Variants in SYNE1 observed in about 807,000 individuals in gnomAD.
The protein encoded by SYNE1 is nesprin-1.
In SYNE1, 616 loss-of-function variants were observed where a neutral mutation model predicts 1,111.0. That is an observed-to-expected ratio of 0.55 (90% CI 0.52 to 0.59). SYNE1 has a LOEUF of 0.59. Among genes scored for constraint, SYNE1 ranks in the 20% least tolerant of loss-of-function variants. The pLI, the probability that SYNE1 is intolerant of heterozygous loss-of-function variation, is 0.00. For synonymous variants in SYNE1, 3,855 were observed against 3,825.8 expected (o/e 1.01, Z -0.28); for missense variants, 10,006 against 10,417.0 (o/e 0.96, Z 1.72).
intron 5 of SYNE1, among the ~76,000 whole-genome samples, chr6:152,524,352 A>G (rs2099153843): frequency 6.6e-6 from 1 of 152,160 alleles, no homozygotes; most frequent in Admixed American, 6.6e-5. Context: ...TATCACATTT[A>G]TTGACTTGCA....
intron 137 of SYNE1, chr6:152,144,434 C>T (rs1399763056): frequency 6.4e-6 from 1 of 155,512 alleles, no homozygotes; most frequent in African/African-American, 2.4e-5. Context: ...AGAATTCTGG[C>T]TCATTCTCCT....
In SYNE1 at chr6:152,369,534, G is replaced by A. The variant is rs1461974738; in HGVS notation, c.9588C>T (p.Val3196=). The change falls in exon 60 of 146, where the codon GTC becomes GTT. Residue 3196 remains valine, a synonymous_variant. Coordinates refer to ENST00000367255, the MANE Select transcript of SYNE1 (RefSeq NM_182961.4). ...CATAGAGGCGATTGCTGCTTTCATG[G>A]ACCATCTTCTCAGTTTTACTCAGCC... ...QDWLSKTEKM[V]HESSNRLYDL... 6.2e-7 allele frequency: 1 copy of A among 1,614,018 alleles called. No individual in the cohort carries two copies. The highest frequency in any genetic ancestry group is 1.3e-5 in the African/African-American group (1 of 74,918).
chr6:152,548,387 C>T (rs546212822), intron 3 of SYNE1, among the ~76,000 whole-genome samples: 2 of 152,188 alleles, frequency 1.3e-5, no homozygotes, highest in Non-Finnish European at 2.9e-5. Flanking sequence ...CCACGTGTGG[C>T]TCACTGGATT....
intron 66 of SYNE1, among the ~76,000 whole-genome samples, chr6:152,358,059 C>T (rs1379779151): frequency 1.3e-5 from 2 of 152,204 alleles, no homozygotes; most frequent in African/African-American, 2.4e-5. Context: ...GATGTGATCC[C>T]TTAGGGAGAA....
intron 12 of SYNE1, 93 bp from the exon 13 acceptor site, chr6:152,485,065 T>G: frequency 1.5e-6 from 2 of 1,330,872 alleles, no homozygotes; most frequent in Non-Finnish European, 2.1e-6. Flanking sequence ...CTTTTCTATT[T>G]GGATAACACT....
At chr6:152,182,400 A>G (rs2068359109) in intron 128 of SYNE1, among the ~76,000 whole-genome samples, 1 of 152,112 alleles carries the variant, frequency 6.6e-6, no homozygotes, top group Non-Finnish European at 1.5e-5. Context: ...ACATATCCCT[A>G]TTGATTTTAT....
chr6:152,310,507 T>G lies in SYNE1; in HGVS notation c.16908A>C (p.Lys5636Asn), dbSNP rs749943727. 1 of 1,614,046 alleles carries G rather than the reference T, an allele frequency of 6.2e-7. No homozygotes were observed. Among genetic ancestry groups the G allele is most frequent in the South Asian group, 1.1e-5 (1 of 91,070 alleles). Reference sequence around the variant, plus strand: ...GTAACTTTTTCAACTCTGCTTCAAATTTTTTCATATCCTAGAGAGTCAATA... The same window carrying G: ...GTAACTTTTTCAACTCTGCTTCAAAGTTTTTCATATCCTAGAGAGTCAATA... The part of the protein sequence containing the change: ...NLQDAAKDMK[K>N]FEAELKKLQA... Residue 5636 changes from lysine (K) to asparagine (N), a missense_variant, in exon 89 of 146, where the codon AAA (lysine) becomes AAC (asparagine). By Grantham distance (94) the Lys-to-Asn change is moderately conservative. Coordinates refer to ENST00000367255, the MANE Select transcript of SYNE1 (RefSeq NM_182961.4).
At chr6:152,489,689 G>A (rs1326196710) in intron 11 of SYNE1, among the ~76,000 whole-genome samples, 1 of 152,028 alleles carries the variant, frequency 6.6e-6, no homozygotes, top group African/African-American at 2.4e-5. Context: ...TTTTCCCTTG[G>A]ATAATGCCTT....
chr6:152,357,545 T>A (rs1014343094), intron 66 of SYNE1, among the ~76,000 whole-genome samples: 3 of 152,194 alleles, frequency 2.0e-5, no homozygotes, highest in African/African-American at 7.2e-5. Flanking sequence ...TGGCCCCTTC[T>A]TGGTGAACTT....
intron 98 of SYNE1, among the ~76,000 whole-genome samples, chr6:152,275,588 T>C (rs1289009408): frequency 6.6e-6 from 1 of 152,056 alleles, no homozygotes; most frequent in Non-Finnish European, 1.5e-5. Flanking sequence ...TTTTAATATG[T>C]GATTAGACTG....
At chr6:152,258,022 C>A (rs2091256692) in intron 101 of SYNE1, among the ~76,000 whole-genome samples, 1 of 152,058 alleles carries the variant, frequency 6.6e-6, no homozygotes, top group South Asian at 2.1e-4. Context: ...GGCATCCATA[C>A]AGAGAACAAT....
chr6:152,262,199 A>G lies in SYNE1; in HGVS notation c.18816-11T>C, dbSNP rs781737259. 15 of 1,612,976 alleles carry G rather than the reference A, an allele frequency of 9.3e-6. No individual in the cohort carries two copies. The highest frequency in any genetic ancestry group is 1.2e-5 in the Non-Finnish European group (14 of 1,179,502). The stretch of plus-strand genomic sequence containing the variant: ...ACATCAGGTTTTTCGCTATTAGAAG[A>G]ATAAATAATCTAAGTTTACAATGTG... On this transcript the variant is annotated splice_polypyrimidine_tract_variant and intron_variant, in intron 100 of 145. Transcript: ENST00000367255.
At chr6:152,244,314 A>T (rs1055876577) in intron 106 of SYNE1, among the ~76,000 whole-genome samples, 1 of 152,206 alleles carries the variant, frequency 6.6e-6, no homozygotes, top group African/African-American at 2.4e-5. Context: ...ATAATAAAGT[A>T]ACTGTCAGAA....
chr6:152,130,683 G>A (rs2055311399), intron 145 of SYNE1, 37 bp downstream of exon 145: 1 of 1,610,728 alleles, frequency 6.2e-7, no homozygotes, highest in Non-Finnish European at 8.5e-7. Flanking sequence ...TCCTCTTGGG[G>A]TTCTAGAACA....
At chr6:152,230,094 G>A (rs997779839) in intron 115 of SYNE1, among the ~76,000 whole-genome samples, 1 of 151,768 alleles carries the variant, frequency 6.6e-6, no homozygotes, top group Non-Finnish European at 1.5e-5. Flanking sequence ...GTGCCATGGT[G>A]TAAACATGGC....
chr6:152,316,904 C>T lies in SYNE1; in HGVS notation c.16655G>A (p.Gly5552Glu). The change falls in exon 87 of 146, where the codon GGA becomes GAA. Residue 5552 changes from glycine to glutamate, a missense_variant. This residue lies in a region of SYNE1 where 4,955 missense variants were observed against 5,017.2 expected (regional missense o/e 0.99). Coordinates refer to ENST00000367255, the MANE Select transcript of SYNE1 (RefSeq NM_182961.4). ...GCTTGCAGAATTCCATGCAATAGTT[C>T]CATGAGCCAAGACTTTAGCTTTTTC... ...WIEKAKVLAH[G>E]TIAWNSASQL... The T allele has an allele frequency of 6.2e-7, 1 of 1,614,130 alleles. No individual in the cohort carries two copies. Among genetic ancestry groups the T allele is most frequent in the African/African-American group, 1.3e-5 (1 of 75,038 alleles).
At chr6:152,609,962 G>A (rs1317218108) in intron 3 of SYNE1, among the ~76,000 whole-genome samples, 1 of 152,204 alleles carries the variant, frequency 6.6e-6, no homozygotes, top group Non-Finnish European at 1.5e-5. Flanking sequence ...TTAACAAAAA[G>A]GACATCTACA....
At chr6:152,139,795 G>A (rs1414943324) in intron 140 of SYNE1, among the ~76,000 whole-genome samples, 155 bp downstream of exon 140, 1 of 148,264 alleles carries the variant, frequency 6.7e-6, no homozygotes, top group East Asian at 2.0e-4. Flanking sequence ...AGGAATTTGG[G>A]ATGGCTGGAG....
At chr6:152,574,425 C>G (rs147620799) in intron 3 of SYNE1, among the ~76,000 whole-genome samples, 1 of 152,024 alleles carries the variant, frequency 6.6e-6, no homozygotes. Flanking sequence ...TCTTGCCTTT[C>G]CTTTCTGCAC....
Sources: gnomAD v4.1 joint callset for allele counts (sites outside exome capture counted in the v4.1 genomes callset) on GRCh38, gnomAD v4.1.1 for gene constraint, gnomAD v4.1.1 regional missense constraint, MANE v1.5 for transcripts, NCBI Gene and HGNC (gene_info 2026-07-23, HGNC 2026-07-21) for gene names.